Variants in TLE3 observed in about 807,000 individuals in gnomAD.
TLE3 encodes the protein TLE family member 3, transcriptional corepressor.
A neutral mutation model predicts 93.0 loss-of-function variants in TLE3; 14 were observed. The observed-to-expected ratio is 0.15, with a 90% confidence interval of 0.10 to 0.24. TLE3 has a LOEUF of 0.24. Ranked by LOEUF, TLE3 falls within the 10% of genes least tolerant of loss-of-function variation. The pLI, the probability that TLE3 is intolerant of heterozygous loss-of-function variation, is 1.00. For missense variants in TLE3, 693 were observed against 1,046.6 expected (o/e 0.66, Z 4.66); for synonymous variants, 451 against 425.0 (o/e 1.06, Z -0.75).
At chr15:70,085,406 G>A (rs1170767466) in intron 4 of TLE3, among the ~76,000 whole-genome samples, 1 of 152,186 alleles carries the variant, frequency 6.6e-6, no homozygotes, top group Non-Finnish European at 1.5e-5. Flanking sequence ...AAGAAAAACT[G>A]GCTTGCTGGG....
At chr15:70,083,582 T>G (rs1595986430) in intron 4 of TLE3, among the ~76,000 whole-genome samples, 1 of 66,466 alleles carries the variant, frequency 1.5e-5, no homozygotes, top group Non-Finnish European at 2.9e-5. Flanking sequence ...CTCCCCCACC[T>G]TCCCAGACTC....
At chr15:70,091,884 G>A (rs192660151) in intron 4 of TLE3, among the ~76,000 whole-genome samples, 3 of 152,280 alleles carry the variant, frequency 2.0e-5, no homozygotes, top group East Asian at 3.9e-4. Context: ...GTGCGTGTGC[G>A]TGTATGCGCG....
chr15:70,055,972 A>C (rs2141448428), intron 14 of TLE3: 1 of 444,708 alleles, frequency 2.2e-6, no homozygotes, highest in Non-Finnish European at 4.2e-6. Context: ...GGTCGAACCC[A>C]AAGGAGTCGG....
Position 70,055,145 on chromosome 15 carries a change from G to A in TLE3, c.1482C>T (p.Pro494=), listed in dbSNP as rs2055909066. 1.2e-6 allele frequency: 2 copies of A among 1,614,100 alleles called. No homozygotes were observed. The highest frequency in any genetic ancestry group is 2.2e-5 in the East Asian group (1 of 44,874). The change falls in exon 15 of 20, where the codon CCC becomes CCT. Residue 494 remains proline (P), a synonymous_variant. Coordinates refer to ENST00000451782, the MANE Select transcript of TLE3 (RefSeq NM_001105192.3). The part of the protein sequence containing the change: ...EVVCAVTISN[P]TRHVYTGGKG... ...TGCCACCTGTGTAGACGTGCCTCGTGGGGTTGCTGATGGTCACGGCACACA... is the reference window on the plus strand; with the variant it reads ...TGCCACCTGTGTAGACGTGCCTCGTAGGGTTGCTGATGGTCACGGCACACA...
At chr15:70,056,507 G>A (rs752805420) in intron 13 of TLE3, 133 bp from the exon 14 acceptor site, 1 of 784,954 alleles carries the variant, frequency 1.3e-6, no homozygotes, top group Non-Finnish European at 2.1e-6. Context: ...AAGCTGAGCA[G>A]AGCAGAGCCC....
At chr15:70,082,718 G>T (rs75046290) in intron 4 of TLE3, among the ~76,000 whole-genome samples, 185 of 152,340 alleles carry the variant, frequency 1.2e-3, no homozygotes, top group Non-Finnish European at 2.2e-3. Flanking sequence ...CTCCGGAAGG[G>T]AAGGGGATGC....
At position 70,058,053 on chromosome 15, in the gene TLE3, C is replaced by T. The variant is rs554640981; in HGVS notation, c.1051+106G>A. The T allele has an allele frequency of 3.3e-6, 5 of 1,538,008 alleles. No individual in the cohort carries two copies. The highest frequency in any genetic ancestry group is 1.9e-5 in the Admixed American group (1 of 51,736). On this transcript the variant is annotated intron_variant, in intron 12 of 19. Coordinates refer to ENST00000451782, the MANE Select transcript of TLE3 (RefSeq NM_001105192.3). This position sits in a 1 kb window ranked among gnomAD's most constrained non-coding sequence, Gnocchi z 4.1. ...CCCCAGGGGCAGGCCCTGGGAGACA[C>T]TGCCTGTGCTCTATCCCATGCGTGT...
intron 15 of TLE3, 165 bp downstream of exon 15, chr15:70,054,884 C>A: frequency 8.0e-7 from 1 of 1,249,076 alleles, no homozygotes; most frequent in East Asian, 2.6e-5. Flanking sequence ...AGAATCAGCC[C>A]CACACACAGA....
intron 4 of TLE3, among the ~76,000 whole-genome samples, chr15:70,078,091 C>T (rs117353437): frequency 9.8e-4 from 149 of 152,248 alleles, no homozygotes; most frequent in Admixed American, 1.4e-3. Flanking sequence ...ACTAGACACC[C>T]GTCATTCATA....
chr15:70,058,806 T>C lies in TLE3; in HGVS notation c.775A>G (p.Thr259Ala). ...GAGTGTGCCGGGCTGACCCGGGGCG[T>C]TGCGGGGTCCTGAAAACACAAGTGA... ...VVDVSNEDPA[T>A]PRVSPAHSPP... Residue 259 changes from threonine (T) to alanine (A), a missense_variant, in exon 11 of 20, where the codon ACG becomes GCG. Physicochemically the swap from Thr to Ala is moderately conservative, Grantham distance 58. Coordinates refer to ENST00000451782, the MANE Select transcript of TLE3 (RefSeq NM_001105192.3). The surrounding 1 kb of genome is among the most constrained non-coding windows in gnomAD (Gnocchi z 4.1). 1 of 1,581,710 alleles carries C rather than the reference T, an allele frequency of 6.3e-7. No individual in the cohort carries two copies. Among genetic ancestry groups the C allele is most frequent in the Non-Finnish European group, 8.6e-7 (1 of 1,166,212 alleles).
At chr15:70,070,237 G>C (rs76490559) in intron 6 of TLE3, among the ~76,000 whole-genome samples, 2,099 of 152,372 alleles carry the variant, frequency 0.014, 54 homozygotes, top group African/African-American at 0.048. Context: ...CTCCACACAA[G>C]TGATAAGCAC....
chr15:70,057,409 TC>T (rs2056143725), intron 13 of TLE3, 49 bp downstream of exon 13: 3 of 1,532,912 alleles, frequency 2.0e-6, no homozygotes, highest in South Asian at 2.5e-5. Context: ...AACCACTGGC[TC>T]CCCACACCAC....
rs781039075 is a variant in TLE3, at chr15:70,076,167, G to T, written c.235-9C>A. On this transcript the variant is annotated splice_polypyrimidine_tract_variant and intron_variant, in intron 4 of 19. Coordinates refer to ENST00000451782, the MANE Select transcript of TLE3 (RefSeq NM_001105192.3). ...CTCTTCGCAATCTCTGTCTGCAAAG[G>T]CAAGGAGACCACATGAAGCTCAGGC... 2 of 1,613,754 alleles carry T rather than the reference G, an allele frequency of 1.2e-6. No homozygotes were observed. The highest frequency in any genetic ancestry group is 8.5e-7 in the Non-Finnish European group (1 of 1,179,702).
chr15:70,053,282 C>T lies in TLE3; in HGVS notation c.1919G>A (p.Arg640His). Residue 640 changes from arginine to histidine, a missense_variant, in exon 17 of 20, where the codon CGC becomes CAC. By Grantham distance (29) the Arg-to-His change is conservative. Around this residue, in one of 4 missense-constraint regions of TLE3, gnomAD observed 153 missense variants for 379.9 expected, o/e 0.40. Coordinates refer to ENST00000451782, the MANE Select transcript of TLE3 (RefSeq NM_001105192.3). ...TCGGCCCTCCCGCAGGTCCCAGGAG[C>T]GCACCGTGTTGTCCAGGCCCCCTGT... is the stretch of plus-strand genomic sequence containing the variant. Reference protein sequence around the residue: ...LWTGGLDNTVRSWDLREGRQL... With the variant: ...LWTGGLDNTVHSWDLREGRQL... 1.2e-6 allele frequency: 2 copies of T among 1,608,924 alleles called. No homozygotes were observed. Among genetic ancestry groups the T allele is most frequent in the East Asian group, 2.2e-5 (1 of 44,752 alleles).
At position 70,066,019 on chromosome 15, in the gene TLE3, T is replaced by C; in HGVS notation, c.572A>G (p.His191Arg). Residue 191 changes from histidine (H) to arginine (R), a missense_variant, in exon 7 of 20, where the codon CAC becomes CGC. By Grantham distance (29) the His-to-Arg change is conservative (BLOSUM62 0). Coordinates refer to ENST00000451782, the MANE Select transcript of TLE3 (RefSeq NM_001105192.3). The stretch of plus-strand genomic sequence containing the variant: ...CTGCCCCAGCCCAGCCGCACCTCTG[T>C]GATCGAGTTCATGGTGGTTCTTCTC... ...KDEKNHHELDHRERESSANNS... is the reference protein window; with the variant it reads ...KDEKNHHELDRRERESSANNS... 1 of 1,602,656 alleles carries C rather than the reference T, an allele frequency of 6.2e-7. No individual in the cohort carries two copies. Among genetic ancestry groups the C allele is most frequent in the Non-Finnish European group, 8.5e-7 (1 of 1,173,222 alleles).
chr15:70,097,770 C>G lies in TLE3; in HGVS notation c.-972G>C, dbSNP rs1336551124. 1 of 393,644 alleles carries G rather than the reference C, an allele frequency of 2.5e-6. No homozygotes were observed. Among genetic ancestry groups the G allele is most frequent in the Non-Finnish European group, 4.5e-6 (1 of 223,392 alleles). The allele number at this position is 393,644 out of a possible 1,614,324, so 24.4% of individuals were successfully genotyped here. Reference sequence around the variant, plus strand: ...CGCGCCCCGGCAAACCCCCAAAACACACACACCCAACACACACACACGCGC... The same window carrying G: ...CGCGCCCCGGCAAACCCCCAAAACAGACACACCCAACACACACACACGCGC... On this transcript the variant is annotated 5_prime_UTR_variant, in exon 1 of 20. Transcript: ENST00000451782.
Position 70,057,677 on chromosome 15 carries a change from AG to A in TLE3, c.1052-20del. 1 of 1,552,768 alleles carries A rather than the reference AG, an allele frequency of 6.4e-7. No homozygotes were observed. The highest frequency in any genetic ancestry group is 8.7e-7 in the Non-Finnish European group (1 of 1,155,786). ...GCCGAGGCTGCGAGGGGTGGGCGTC[AG>A]GGAGGTGGGCCTTAGGTGGATTGGG... On this transcript the variant is annotated intron_variant, in intron 12 of 19. Transcript: ENST00000451782.
chr15:70,059,537 G>A, intron 9 of TLE3, 77 bp from the exon 10 acceptor site: 7 of 1,438,780 alleles, frequency 4.9e-6, no homozygotes, highest in Non-Finnish European at 5.7e-6. Flanking sequence ...AAACCACCCT[G>A]TCCTTCTACT....
Position 70,056,287 on chromosome 15 carries a change from C to G in TLE3, c.1328+11G>C. The G allele has an allele frequency of 6.2e-7, 1 of 1,613,434 alleles. No individual in the cohort carries two copies. Among genetic ancestry groups the G allele is most frequent in the Non-Finnish European group, 8.5e-7 (1 of 1,179,760 alleles). On this transcript the variant is annotated intron_variant, in intron 14 of 19. Coordinates refer to ENST00000451782, the MANE Select transcript of TLE3 (RefSeq NM_001105192.3). ...CCTACAAAGCATGCAGTAAGTATAG[C>G]CAAAGCTTACGGTTTTCCTCCAGGA...
Sources: gnomAD v4.1 joint callset for allele counts (sites outside exome capture counted in the v4.1 genomes callset) on GRCh38, gnomAD v4.1.1 for gene constraint, gnomAD v4.1.1 regional missense constraint, Gnocchi (gnomAD v3.1) non-coding constraint, MANE v1.5 for transcripts, NCBI Gene and HGNC (gene_info 2026-07-23, HGNC 2026-07-21) for gene names.